Variants in IQSEC1 observed in about 807,000 individuals in gnomAD.
The protein encoded by IQSEC1 is IQ motif and Sec7 domain ArfGEF 1.
A neutral mutation model predicts 91.0 loss-of-function variants in IQSEC1; 31 were observed. The ratio of observed to expected loss-of-function variants is 0.34; its 90% CI spans 0.26 to 0.46. IQSEC1 has a LOEUF of 0.46. Among genes scored for constraint, IQSEC1 ranks in the 20% least tolerant of loss-of-function variants. IQSEC1 has a pLI of 1.00. For missense variants in IQSEC1, 1,388 were observed against 1,575.6 expected (o/e 0.88, Z 2.02); for synonymous variants, 699 against 662.6 (o/e 1.05, Z -0.84).
rs1039863362 is a variant in IQSEC1, at chr3:13,047,581, T to G, written c.23+25411A>C. On this transcript the variant is annotated intron_variant, in intron 1 of 13. Transcript: ENST00000613206. ...GGTCCCACACACACAGCAAACCCCT[T>G]GGGGGCCATGTCCACTCAGGCCCCA... 3.3e-6 allele frequency: 3 copies of G among 901,066 alleles called. No individual in the cohort carries two copies. The African/African-American group carries it at 5.4e-5, about 16-fold the overall frequency. 55.8% of individuals were successfully genotyped at this position (901,066 alleles called of 1,614,324 possible). A position where few individuals can be genotyped will look rare whatever the true frequency, so the allele number is the denominator to read the frequency against.
rs531328289 is a variant in IQSEC1 at position 13,083,959 on chromosome 3, C to A, written c.303-36437G>T. Reference sequence around the variant, plus strand: ...GTTTTCCAGTGAGAGAGCCTTCCCCCCATCCCCTAGCCTTCCCCAGGGAGG... The same window carrying A: ...GTTTTCCAGTGAGAGAGCCTTCCCCACATCCCCTAGCCTTCCCCAGGGAGG... On this transcript the variant is annotated intron_variant, in intron 2 of 15. Coordinates refer to the IQSEC1 transcript ENST00000648114. Among the ~76,000 whole-genome samples the A allele has an allele frequency of 3.0e-3, 462 of 152,364 alleles. 3 individuals carry two copies. Among genetic ancestry groups the A allele is most frequent in the Middle Eastern group, 0.02 (6 of 294 alleles).
chr3:13,134,368 G>A (rs1479619961), intron 2 of IQSEC1, among the ~76,000 whole-genome samples: 1 of 152,250 alleles, frequency 6.6e-6, no homozygotes, highest in Non-Finnish European at 1.5e-5. Flanking sequence ...AGAGAGGACT[G>A]TGAAAGGAGC....
At chr3:13,030,166 C>G (rs1334080512) in intron 1 of IQSEC1, among the ~76,000 whole-genome samples, 1 of 152,222 alleles carries the variant, frequency 6.6e-6, no homozygotes, top group Admixed American at 6.5e-5. Flanking sequence ...GGTGCAATCT[C>G]TGCTCACTGC....
chr3:13,068,424 G>T (rs360859), intron 1 of IQSEC1, among the ~76,000 whole-genome samples: 4 of 152,110 alleles, frequency 2.6e-5, no homozygotes, highest in African/African-American at 4.8e-5. Flanking sequence ...AGCAGGCCTG[G>T]GCCCTGGCCT....
chr3:12,904,373 C>A (rs566024936), intron 12 of IQSEC1, among the ~76,000 whole-genome samples: 2 of 152,346 alleles, frequency 1.3e-5, no homozygotes, highest in South Asian at 4.1e-4. Context: ...CCACACGGCA[C>A]ATCAGGGCAA....
At chr3:13,147,294 T>C (rs894554400) in intron 2 of IQSEC1, among the ~76,000 whole-genome samples, 4 of 152,190 alleles carry the variant, frequency 2.6e-5, no homozygotes, top group African/African-American at 4.8e-5. Context: ...ACCTGATACA[T>C]ATTTTTTTTC....
At chr3:13,270,436 T>C (rs746535584) in intron 1 of IQSEC1, among the ~76,000 whole-genome samples, 1 of 152,232 alleles carries the variant, frequency 6.6e-6, no homozygotes, top group Non-Finnish European at 1.5e-5. Context: ...AGGAAGCTTC[T>C]GGGCTGGTTC....
intron 8 of IQSEC1, among the ~76,000 whole-genome samples, chr3:12,914,159 G>A (rs759261764): frequency 6.6e-6 from 1 of 152,244 alleles, no homozygotes; most frequent in African/African-American, 2.4e-5. Flanking sequence ...CCAACACTCT[G>A]TGGCACTTGC....
At chr3:13,170,314 T>C (rs1033339821) in intron 1 of IQSEC1, among the ~76,000 whole-genome samples, 5 of 152,252 alleles carry the variant, frequency 3.3e-5, no homozygotes, top group Non-Finnish European at 7.3e-5. Flanking sequence ...TTTCAGAGGA[T>C]GTATGGAAAC....
intron 2 of IQSEC1, among the ~76,000 whole-genome samples, chr3:13,096,486 A>C (rs1007708360): frequency 6.6e-6 from 1 of 152,246 alleles, no homozygotes; most frequent in Non-Finnish European, 1.5e-5. Flanking sequence ...AGAATCAAGT[A>C]TTTGGGGGGC....
At chr3:13,267,740 C>A (rs1477702526) in intron 1 of IQSEC1, among the ~76,000 whole-genome samples, 1 of 152,060 alleles carries the variant, frequency 6.6e-6, no homozygotes, top group African/African-American at 2.4e-5. Context: ...GCCTCAGCCT[C>A]CCAAGTAGCT....
At chr3:12,953,743 C>T (rs986076790) in intron 1 of IQSEC1, among the ~76,000 whole-genome samples, 2 of 152,150 alleles carry the variant, frequency 1.3e-5, no homozygotes, top group African/African-American at 2.4e-5. Flanking sequence ...TGTACAGCTC[C>T]GTCAGGCATC....
At chr3:13,265,640 A>T (rs1410879481) in intron 1 of IQSEC1, among the ~76,000 whole-genome samples, 1 of 152,022 alleles carries the variant, frequency 6.6e-6, no homozygotes, top group Non-Finnish European at 1.5e-5. Context: ...CAGCCCCCTC[A>T]TCCCTCTGGT....
At chr3:13,248,000 C>T (rs929193482) in intron 1 of IQSEC1, among the ~76,000 whole-genome samples, 10 of 152,164 alleles carry the variant, frequency 6.6e-5, no homozygotes, top group African/African-American at 1.9e-4. Flanking sequence ...AGTCCAAGCT[C>T]GTGGGAGTGT....
At chr3:13,271,194 G>A (rs1373557877) in intron 1 of IQSEC1, among the ~76,000 whole-genome samples, 2 of 151,948 alleles carry the variant, frequency 1.3e-5, no homozygotes, top group African/African-American at 2.4e-5. Context: ...TGGCTAACAC[G>A]GTGAAACCCC....
intron 1 of IQSEC1, among the ~76,000 whole-genome samples, chr3:13,230,754 A>G (rs970555790): frequency 6.6e-6 from 1 of 152,240 alleles, no homozygotes; most frequent in African/African-American, 2.4e-5. Flanking sequence ...ACCCTTAACT[A>G]TAAGAAAGAT....
chr3:12,899,199 G>C lies in IQSEC1; in HGVS notation c.*1784C>G, dbSNP rs556814259. On this transcript the variant is annotated 3_prime_UTR_variant, in exon 14 of 14. Transcript: ENST00000613206. Reference sequence around the variant, plus strand: ...GAGGAGGGAAATCGGCAAAACCCTGGCCAGCCAGCCAGCCAAGGTGACACA... The same window carrying C: ...GAGGAGGGAAATCGGCAAAACCCTGCCCAGCCAGCCAGCCAAGGTGACACA... 1.6e-6 allele frequency: 1 copy of C among 620,736 alleles called. No individual in the cohort carries two copies. Among genetic ancestry groups the C allele is most frequent in the Non-Finnish European group, 2.8e-6 (1 of 353,204 alleles). 38.5% of individuals were successfully genotyped at this position (620,736 alleles called of 1,614,324 possible). A position where few individuals can be genotyped will look rare whatever the true frequency, so the allele number is the denominator to read the frequency against.
chr3:12,931,689 A>G (rs1212011563), intron 3 of IQSEC1, among the ~76,000 whole-genome samples: 2 of 152,140 alleles, frequency 1.3e-5, no homozygotes, highest in African/African-American at 4.8e-5. Context: ...TGAAACAGCC[A>G]CGCTCCCTGC....
chr3:12,977,364 A>G (rs76248775), intron 1 of IQSEC1, among the ~76,000 whole-genome samples: 1 of 151,774 alleles, frequency 6.6e-6, no homozygotes, highest in Non-Finnish European at 1.5e-5. Context: ...AAAAAAAAAA[A>G]AGCGCTATCC....
Sources: allele counts gnomAD v4.1 joint callset (sites outside exome capture counted in the v4.1 genomes callset), GRCh38; gene constraint gnomAD v4.1.1; transcripts MANE v1.5; gene names NCBI Gene and HGNC (gene_info 2026-07-23, HGNC 2026-07-21).